The following ZNF385D variants were observed in gnomAD, a reference collection of about 807,000 sequenced individuals.
ZNF385D encodes zinc finger protein 659.
A neutral mutation model predicts 35.8 loss-of-function variants in ZNF385D; 15 were observed. That is an observed-to-expected ratio of 0.42 (90% CI 0.28 to 0.64). The LOEUF (loss-of-function observed/expected upper bound fraction) is 0.64. Among genes scored for constraint, ZNF385D ranks in the 30% least tolerant of loss-of-function variants. The probability of loss-of-function intolerance (pLI) is 0.23; values close to 1 mark genes in which losing one functional copy is unlikely to be tolerated. For missense variants in ZNF385D, 474 were observed against 494.6 expected (o/e 0.96, Z 0.39); for synonymous variants, 212 against 186.8 (o/e 1.13, Z -1.10).
At chr3:21,525,081 T>C (rs1026657421) in intron 3 of ZNF385D, among the ~76,000 whole-genome samples, 1 of 152,178 alleles carries the variant, frequency 6.6e-6, no homozygotes, top group Admixed American at 6.5e-5. Flanking sequence ...CAGTAAATCA[T>C]GTATTTTTTA....
At chr3:21,826,316 T>G (rs1694622485) in intron 3 of ZNF385D, among the ~76,000 whole-genome samples, 1 of 152,188 alleles carries the variant, frequency 6.6e-6, no homozygotes, top group Non-Finnish European at 1.5e-5. Flanking sequence ...GATTGTGAAT[T>G]ATCCGATAAC....
intron 3 of ZNF385D, among the ~76,000 whole-genome samples, chr3:21,850,711 G>C (rs1490891621): frequency 6.6e-6 from 1 of 152,026 alleles, no homozygotes; most frequent in South Asian, 2.1e-4. Context: ...CAGCCAAAGG[G>C]AGAAACATTG....
chr3:22,025,452 A>G (rs1697480342), intron 3 of ZNF385D, among the ~76,000 whole-genome samples: 1 of 152,136 alleles, frequency 6.6e-6, no homozygotes, highest in Non-Finnish European at 1.5e-5. Flanking sequence ...TAATCTATAT[A>G]AACAGCAATC....
At chr3:22,289,975 T>C (rs768413170) in intron 2 of ZNF385D, among the ~76,000 whole-genome samples, 4 of 152,140 alleles carry the variant, frequency 2.6e-5, no homozygotes, top group Admixed American at 2.0e-4. Flanking sequence ...AAACCCTCTA[T>C]GGAAAAACTG....
chr3:22,171,160 T>C (rs1034614240), intron 2 of ZNF385D, among the ~76,000 whole-genome samples: 1 of 152,212 alleles, frequency 6.6e-6, no homozygotes, highest in Admixed American at 6.5e-5. Context: ...AAAGAACTTA[T>C]TTCCTCCAGC....
intron 2 of ZNF385D, among the ~76,000 whole-genome samples, chr3:21,647,297 G>C (rs541318529): frequency 8.9e-4 from 135 of 151,516 alleles, no homozygotes; most frequent in African/African-American, 3.1e-3. Flanking sequence ...TTCAAATATG[G>C]CAGCAGTGAA....
chr3:22,231,054 G>C (rs192088895), intron 2 of ZNF385D, among the ~76,000 whole-genome samples: 2 of 152,106 alleles, frequency 1.3e-5, no homozygotes, highest in Non-Finnish European at 2.9e-5. Flanking sequence ...ACAAAAAACA[G>C]CAACAGGACC....
chr3:22,164,247 T>TTTTTTTTTTTTTTG (rs1348547943), intron 3 of ZNF385D, among the ~76,000 whole-genome samples: 6 of 93,486 alleles, frequency 6.4e-5, no homozygotes, highest in African/African-American at 3.6e-4. Flanking sequence ...TTTTTTTTTT[T>TTTTTTTTTTTTTTG]GAGACGGGGT....
chr3:22,163,120 A>T (rs1333667877), intron 3 of ZNF385D, among the ~76,000 whole-genome samples: 1 of 152,152 alleles, frequency 6.6e-6, no homozygotes, highest in African/African-American at 2.4e-5. Flanking sequence ...CATTGGACAC[A>T]GGCTGCTATA....
At chr3:21,761,633 A>G (rs1361154545) in intron 3 of ZNF385D, among the ~76,000 whole-genome samples, 2 of 152,120 alleles carry the variant, frequency 1.3e-5, no homozygotes, top group Non-Finnish European at 2.9e-5. Flanking sequence ...TTATATATCT[A>G]TAGAGAGGAT....
At chr3:21,691,413 C>T (rs1023390690) in intron 1 of ZNF385D, among the ~76,000 whole-genome samples, 8 of 152,098 alleles carry the variant, frequency 5.3e-5, no homozygotes, top group Admixed American at 2.0e-4. Context: ...TAACCTCACC[C>T]TCAACCTCCA....
chr3:21,934,899 C>G (rs936246171), intron 3 of ZNF385D, among the ~76,000 whole-genome samples: 3 of 152,186 alleles, frequency 2.0e-5, no homozygotes, highest in Non-Finnish European at 4.4e-5. Context: ...TAATTCTCAT[C>G]TCCACTTAAA....
chr3:22,195,853 C>T (rs1386614033), intron 2 of ZNF385D, among the ~76,000 whole-genome samples: 3 of 151,784 alleles, frequency 2.0e-5, no homozygotes, highest in Non-Finnish European at 2.9e-5. Flanking sequence ...TAAAAAAGAA[C>T]AAGATCATGT....
chr3:21,840,453 A>C (rs1695593899), intron 3 of ZNF385D, among the ~76,000 whole-genome samples: 1 of 151,906 alleles, frequency 6.6e-6, no homozygotes, highest in South Asian at 2.1e-4. Context: ...TCGACATTGC[A>C]CTCCTTCCTT....
chr3:22,303,018 A>G (rs1698010784), intron 2 of ZNF385D, among the ~76,000 whole-genome samples: 1 of 152,110 alleles, frequency 6.6e-6, no homozygotes, highest in Non-Finnish European at 1.5e-5. Flanking sequence ...ATGATAGTTC[A>G]TCTTTTTTGT....
chr3:22,174,875 T>C (rs1409223586), intron 2 of ZNF385D, among the ~76,000 whole-genome samples: 3 of 152,222 alleles, frequency 2.0e-5, no homozygotes, highest in Non-Finnish European at 2.9e-5. Context: ...TGACAGATTT[T>C]GGCCATTTCT....
chr3:21,805,151 G>A (rs1342373760), intron 3 of ZNF385D, among the ~76,000 whole-genome samples: 5 of 152,196 alleles, frequency 3.3e-5, no homozygotes, highest in South Asian at 2.1e-4. Context: ...TATGAATGGT[G>A]TGAGAAAACA....
At position 22,329,120 on chromosome 3, in the gene ZNF385D, T is replaced by C. The variant is rs118096794; in HGVS notation, c.106+43330A>G. 8.0e-4 allele frequency among the ~76,000 whole-genome samples: 120 copies of C among 149,540 alleles called. No homozygotes were observed. The East Asian group carries it at 0.011, about 13-fold the overall frequency. On this transcript the variant is annotated intron_variant, in intron 2 of 5. Coordinates refer to the ZNF385D transcript ENST00000494108. ...AAAGAGTTTATTAAAGTTGCTCATATCACTTTCTAGGCTCACTGCTATTTC... is the reference window on the plus strand; with the variant it reads ...AAAGAGTTTATTAAAGTTGCTCATACCACTTTCTAGGCTCACTGCTATTTC...
At chr3:21,533,235 C>T (rs962934114) in intron 3 of ZNF385D, among the ~76,000 whole-genome samples, 1 of 151,746 alleles carries the variant, frequency 6.6e-6, no homozygotes, top group African/African-American at 2.4e-5. Context: ...TTAACATGAG[C>T]AGAGGAAGTC....
Sources: allele counts gnomAD v4.1 joint callset (sites outside exome capture counted in the v4.1 genomes callset), GRCh38; gene constraint gnomAD v4.1.1; transcripts MANE v1.5; gene names NCBI Gene and HGNC (gene_info 2026-07-23, HGNC 2026-07-21).